The following NCKAP5 variants were observed in gnomAD, a reference collection of about 807,000 sequenced individuals.
NCKAP5 encodes NCK associated protein 5, also known as nck-associated protein 5.
NCKAP5 carries 92 observed loss-of-function variants against 167.0 expected under a neutral mutation model. The observed-to-expected ratio is 0.55, with a 90% CI of 0.47 to 0.66. The LOEUF (loss-of-function observed/expected upper bound fraction) is 0.66. NCKAP5 is among the 30% of genes least tolerant of loss of function. The probability of loss-of-function intolerance (pLI) is 0.00; values close to 1 mark genes in which losing one functional copy is unlikely to be tolerated. For missense variants in NCKAP5, 2,378 were observed against 2,315.0 expected (o/e 1.03, Z -0.56); for synonymous variants, 891 against 877.4 (o/e 1.02, Z -0.27).
chr2:133,165,653 T>C (rs2083969638), intron 5 of NCKAP5, among the ~76,000 whole-genome samples: 1 of 152,052 alleles, frequency 6.6e-6, no homozygotes. Flanking sequence ...CAGTGATGGG[T>C]GTAAGCTTTG....
At chr2:133,162,533 A>G (rs2083836305) in intron 5 of NCKAP5, among the ~76,000 whole-genome samples, 1 of 152,068 alleles carries the variant, frequency 6.6e-6, no homozygotes. Context: ...ACTATGAGAG[A>G]AAAAAAATCA....
In NCKAP5 at chr2:133,550,411, G is replaced by A. The variant is rs987319177; in HGVS notation, c.-62+8639C>T. On this transcript the variant is annotated intron_variant, in intron 2 of 19. Transcript: ENST00000409261. ...AAGCTTATCCAACATGATCAAGTGG[G>A]CTTCAACCCTGGGATGCAAGTCTGG... 1.5e-4 allele frequency among the ~76,000 whole-genome samples: 23 copies of A among 151,648 alleles called. 1 individual carries two copies. Among genetic ancestry groups the A allele is most frequent in the Admixed American group, 6.6e-4 (10 of 15,244 alleles).
chr2:132,707,453 G>A (rs1056170483), intron 19 of NCKAP5, among the ~76,000 whole-genome samples: 3 of 152,198 alleles, frequency 2.0e-5, no homozygotes, highest in African/African-American at 7.2e-5. Flanking sequence ...GCAACTCTTG[G>A]GCAAGTCCTG....
At chr2:133,032,848 A>G (rs974555507) in intron 6 of NCKAP5, among the ~76,000 whole-genome samples, 2 of 152,170 alleles carry the variant, frequency 1.3e-5, no homozygotes, top group African/African-American at 2.4e-5. Flanking sequence ...AGGGGAAGCA[A>G]GCACCTTCTT....
the NCKAP5 span, among the ~76,000 whole-genome samples, chr2:133,630,763 C>T: frequency 1.8e-4 from 27 of 152,212 alleles, no homozygotes; most frequent in African/African-American, 6.3e-4. Context: ...GGAGTTAGGC[C>T]ATCCCAGATC....
At chr2:132,901,409 G>A (rs887581705) in intron 8 of NCKAP5, among the ~76,000 whole-genome samples, 3 of 152,186 alleles carry the variant, frequency 2.0e-5, no homozygotes. Flanking sequence ...GCTCTAGTGT[G>A]ATCGTGGTTA....
chr2:133,105,873 C>G (rs1187888674), intron 6 of NCKAP5, among the ~76,000 whole-genome samples: 2 of 152,104 alleles, frequency 1.3e-5, no homozygotes, highest in African/African-American at 4.8e-5. Context: ...GATTTTTTCT[C>G]CCTCTTCCTA....
chr2:132,848,259 T>C (rs1001707919), intron 11 of NCKAP5, among the ~76,000 whole-genome samples: 12 of 152,202 alleles, frequency 7.9e-5, no homozygotes, highest in African/African-American at 2.9e-4. Context: ...ATTTTTTTCC[T>C]TTTAGAAGTG....
chr2:132,815,058 G>A (rs950237943), intron 11 of NCKAP5, among the ~76,000 whole-genome samples: 1 of 152,168 alleles, frequency 6.6e-6, no homozygotes, highest in South Asian at 2.1e-4. Flanking sequence ...TAATCTCTCT[G>A]AGACAGTCTG....
At chr2:133,179,363 T>G (rs2084632062) in intron 5 of NCKAP5, among the ~76,000 whole-genome samples, 1 of 151,822 alleles carries the variant, frequency 6.6e-6, no homozygotes, top group Non-Finnish European at 1.5e-5. Context: ...GTTTTGAATT[T>G]TGGAGCATTT....
chr2:132,797,643 T>C (rs1331233277), intron 11 of NCKAP5, among the ~76,000 whole-genome samples: 3 of 152,200 alleles, frequency 2.0e-5, no homozygotes, highest in African/African-American at 4.8e-5. Flanking sequence ...TTTTTTCTAC[T>C]CCTTTTTCTC....
intron 11 of NCKAP5, among the ~76,000 whole-genome samples, chr2:132,829,671 C>A (rs1273581544): frequency 6.6e-6 from 1 of 151,996 alleles, no homozygotes; most frequent in Non-Finnish European, 1.5e-5. Context: ...TCAGGATTAC[C>A]TGGAGGGCTT....
intron 5 of NCKAP5, among the ~76,000 whole-genome samples, chr2:133,167,500 T>C (rs1425973650): frequency 6.6e-6 from 1 of 152,194 alleles, no homozygotes; most frequent in Non-Finnish European, 1.5e-5. Flanking sequence ...ACATGGTAGA[T>C]AGGAAAGAAA....
At chr2:133,182,698 C>T (rs1190506265) in intron 5 of NCKAP5, among the ~76,000 whole-genome samples, 1 of 151,834 alleles carries the variant, frequency 6.6e-6, no homozygotes, top group African/African-American at 2.4e-5. Context: ...TGTAAGTTCC[C>T]AACTCAAAAA....
the NCKAP5 span, among the ~76,000 whole-genome samples, chr2:133,658,599 A>T: frequency 6.6e-6 from 1 of 152,194 alleles, no homozygotes; most frequent in South Asian, 2.1e-4. Context: ...GGCCAGCCAA[A>T]CACTCTCATC....
chr2:133,503,825 C>T (rs770265794), intron 3 of NCKAP5, among the ~76,000 whole-genome samples: 23 of 152,206 alleles, frequency 1.5e-4, no homozygotes, highest in African/African-American at 5.1e-4. Flanking sequence ...AATTGCAGGA[C>T]GTCACTCTCC....
At chr2:133,182,423 C>T (rs532698297) in intron 5 of NCKAP5, among the ~76,000 whole-genome samples, 19 of 152,270 alleles carry the variant, frequency 1.2e-4, no homozygotes, top group South Asian at 2.1e-4. Context: ...TGAAATCATA[C>T]GGACTGTGTT....
intron 5 of NCKAP5, among the ~76,000 whole-genome samples, chr2:133,196,323 G>T (rs1221282437): frequency 6.6e-6 from 1 of 152,178 alleles, no homozygotes; most frequent in Non-Finnish European, 1.5e-5. Context: ...GTACTAGGCA[G>T]GAAATACTGG....
chr2:133,487,931 C>CT (rs1681056816), intron 3 of NCKAP5, among the ~76,000 whole-genome samples: 1 of 152,156 alleles, frequency 6.6e-6, no homozygotes, highest in Non-Finnish European at 1.5e-5. Flanking sequence ...CAACAGAAGC[C>CT]ATTTAGCATG....
Sources: allele counts gnomAD v4.1 joint callset (sites outside exome capture counted in the v4.1 genomes callset), GRCh38; gene constraint gnomAD v4.1.1; transcripts MANE v1.5; gene names NCBI Gene and HGNC (gene_info 2026-07-23, HGNC 2026-07-21).